Variants in NIBAN2 observed in about 807,000 individuals in gnomAD.
NIBAN2 encodes niban apoptosis regulator 2.
A neutral mutation model predicts 81.8 loss-of-function variants in NIBAN2; 36 were observed. That is an observed-to-expected ratio of 0.44 (90% CI 0.34 to 0.58). NIBAN2 has a LOEUF of 0.58. NIBAN2 is among the 20% of genes least tolerant of loss of function. The probability of loss-of-function intolerance (pLI) is 0.02; values close to 1 mark genes in which losing one functional copy is unlikely to be tolerated. For missense variants in NIBAN2, 897 were observed against 1,014.1 expected (o/e 0.88, Z 1.57); for synonymous variants, 445 against 441.6 (o/e 1.01, Z -0.10).
intron 4 of NIBAN2, chr9:127,524,854 A>T: frequency 1.9e-6 from 1 of 539,184 alleles, no homozygotes; most frequent in Non-Finnish European, 3.3e-6. Context: ...TTACGAGGGA[A>T]GGTCACTGAA....
chr9:127,537,691 C>T (rs1837304742), intron 1 of NIBAN2, among the ~76,000 whole-genome samples: 1 of 152,210 alleles, frequency 6.6e-6, no homozygotes, highest in South Asian at 2.1e-4. Context: ...CCATCAGACA[C>T]AGGGCCCACC....
upstream of NIBAN2, among the ~76,000 whole-genome samples, chr9:127,573,440 T>A (rs1837971251): frequency 8.5e-6 from 1 of 117,608 alleles, no homozygotes; most frequent in Admixed American, 9.8e-5. Context: ...AGGAATGAAG[T>A]TATTTGCCCT....
intron 1 of NIBAN2, 36 bp downstream of exon 1, chr9:127,568,784 G>T: frequency 7.9e-7 from 1 of 1,272,044 alleles, no homozygotes; most frequent in Non-Finnish European, 9.9e-7. Context: ...GGTTCCGGCA[G>T]GCCCCTGGGC....
chr9:127,549,687 C>T (rs1187043115), intron 1 of NIBAN2, among the ~76,000 whole-genome samples: 3 of 152,188 alleles, frequency 2.0e-5, no homozygotes, highest in Non-Finnish European at 2.9e-5. Flanking sequence ...AAAATCCACT[C>T]GTGTGCTTGC....
chr9:127,517,054 G>A lies in NIBAN2; in HGVS notation c.811-35C>T, dbSNP rs1836845845. ...GAGCAGCTGAATTGGCACCAGGGCTGAGGGCACCGCACCAGCTGCAGGTCC... is the reference window on the plus strand; with the variant it reads ...GAGCAGCTGAATTGGCACCAGGGCTAAGGGCACCGCACCAGCTGCAGGTCC... On this transcript the variant is annotated intron_variant, in intron 7 of 13. Coordinates refer to ENST00000373312, the MANE Select transcript of NIBAN2 (RefSeq NM_022833.4). The surrounding 1 kb of genome is among the most constrained non-coding windows in gnomAD (Gnocchi z 4.0). The A allele has an allele frequency of 6.2e-7, 1 of 1,611,080 alleles. No homozygotes were observed. The highest frequency in any genetic ancestry group is 8.5e-7 in the Non-Finnish European group (1 of 1,177,928).
chr9:127,516,473 C>T (rs1349033146), intron 8 of NIBAN2, among the ~76,000 whole-genome samples: 4 of 152,290 alleles, frequency 2.6e-5, no homozygotes, highest in Admixed American at 6.5e-5. Flanking sequence ...TGTTTGAATC[C>T]GGGAGGCGGA....
chr9:127,531,709 T>G lies in NIBAN2; in HGVS notation c.125A>C (p.Asn42Thr). The change falls in exon 2 of 14, where the codon AAC (asparagine) becomes ACC (threonine). Residue 42 changes from asparagine to threonine, a missense_variant. Asn to Thr is a moderately conservative substitution (Grantham distance 65, BLOSUM62 0). This residue lies in a region of NIBAN2 where 209 missense variants were observed against 208.4 expected (regional missense o/e 1.00). Transcript: ENST00000373312. The stretch of plus-strand genomic sequence containing the variant: ...GCCCTCAATCTCATGGCGCATGCTG[T>G]TGAAGAGAGCCACGCCATACTGGTC... ...YEDQYGVALF[N>T]SMRHEIEGTG... 1 of 1,614,146 alleles carries G rather than the reference T, an allele frequency of 6.2e-7. No homozygotes were observed. Among genetic ancestry groups the G allele is most frequent in the Non-Finnish European group, 8.5e-7 (1 of 1,180,036 alleles).
At chr9:127,512,701 G>A (rs916237432) in intron 8 of NIBAN2, among the ~76,000 whole-genome samples, 5 of 152,152 alleles carry the variant, frequency 3.3e-5, no homozygotes, top group East Asian at 1.9e-4. Context: ...TCACGAGTGC[G>A]TGTCCCCAAC....
chr9:127,569,329 C>T (rs1837918051), upstream of NIBAN2, among the ~76,000 whole-genome samples: 1 of 151,088 alleles, frequency 6.6e-6, no homozygotes, highest in African/African-American at 2.4e-5. Context: ...GCCGGGACCG[C>T]CCTGGAGAAG....
intron 1 of NIBAN2, among the ~76,000 whole-genome samples, chr9:127,539,103 T>C (rs571233490): frequency 6.1e-4 from 93 of 151,926 alleles, no homozygotes; most frequent in Admixed American, 2.1e-3. Flanking sequence ...ATGATAGATA[T>C]GTGGAAAAAT....
intron 1 of NIBAN2, among the ~76,000 whole-genome samples, chr9:127,556,193 G>C (rs1325342964): frequency 1.3e-5 from 2 of 152,310 alleles, no homozygotes; most frequent in Non-Finnish European, 2.9e-5. Context: ...AGTGAGTCAC[G>C]CTTCGAGGAA....
intron 5 of NIBAN2, among the ~76,000 whole-genome samples, chr9:127,523,431 A>C (rs1836998322): frequency 6.6e-6 from 1 of 151,128 alleles, no homozygotes; most frequent in Admixed American, 6.6e-5. Flanking sequence ...CTCAGGGTCC[A>C]AGGGCTCAAC....
intron 5 of NIBAN2, among the ~76,000 whole-genome samples, chr9:127,523,220 T>A (rs1453919978): frequency 0.21 from 3,251 of 15,806 alleles, 1,220 homozygotes; most frequent in Non-Finnish European, 0.32. Context: ...TATATATATA[T>A]ATATATATAT....
chr9:127,551,705 A>T (rs1428736318), intron 1 of NIBAN2, among the ~76,000 whole-genome samples: 1 of 151,816 alleles, frequency 6.6e-6, no homozygotes, highest in Non-Finnish European at 1.5e-5. Flanking sequence ...ACAAGAGCAA[A>T]ACTCCATCTT....
At chr9:127,552,494 T>C (rs942694532) in intron 1 of NIBAN2, among the ~76,000 whole-genome samples, 3 of 152,078 alleles carry the variant, frequency 2.0e-5, no homozygotes, top group Non-Finnish European at 4.4e-5. Flanking sequence ...GGAGGATTGC[T>C]TGAGCCCAGG....
At chr9:127,569,106 G>A, upstream of NIBAN2, 1 of 1,003,702 alleles carries the variant, frequency 1.0e-6, no homozygotes, top group Non-Finnish European at 1.2e-6. Flanking sequence ...CTGCACCCCG[G>A]CGCCCCGCTC....
chr9:127,562,517 G>A (rs544300004), intron 1 of NIBAN2, among the ~76,000 whole-genome samples: 14 of 152,122 alleles, frequency 9.2e-5, no homozygotes, highest in African/African-American at 2.9e-4. Flanking sequence ...CCTACACACC[G>A]CAGGCTAGAC....
chr9:127,550,467 T>C (rs1837556082), intron 1 of NIBAN2, among the ~76,000 whole-genome samples: 1 of 152,206 alleles, frequency 6.6e-6, no homozygotes, highest in Non-Finnish European at 1.5e-5. Flanking sequence ...TCCATCTCCA[T>C]TTGCCCTAGG....
rs563766307 is a variant in NIBAN2, at chr9:127,531,907, G to A, written c.56-129C>T. 9.6e-5 allele frequency: 117 copies of A among 1,212,884 alleles called. No homozygotes were observed. The East Asian group carries it at 1.4e-3, about 15-fold the overall frequency. The allele number at this position is 1,212,884 out of a possible 1,614,324, so 75.1% of individuals were successfully genotyped here. ...GTGGAATTGTTTGCACAGGCTCCTC[G>A]CGCTCATCTGCGCTGCATTTCTGGC... On this transcript the variant is annotated intron_variant, in intron 1 of 13. Coordinates refer to ENST00000373312, the MANE Select transcript of NIBAN2 (RefSeq NM_022833.4).
Sources: gnomAD v4.1 joint callset for allele counts (sites outside exome capture counted in the v4.1 genomes callset) on GRCh38, gnomAD v4.1.1 for gene constraint, gnomAD v4.1.1 regional missense constraint, Gnocchi (gnomAD v3.1) non-coding constraint, MANE v1.5 for transcripts, NCBI Gene and HGNC (gene_info 2026-07-23, HGNC 2026-07-21) for gene names.